Variants in PCSK5 observed in about 807,000 individuals in gnomAD.
The protein encoded by PCSK5 is proprotein convertase subtilisin/kexin type 5.
A neutral mutation model predicts 233.2 loss-of-function variants in PCSK5; 129 were observed. That is an observed-to-expected ratio of 0.55 (90% confidence interval 0.48 to 0.64). The LOEUF (loss-of-function observed/expected upper bound fraction) is 0.64. Among genes scored for constraint, PCSK5 ranks in the 30% least tolerant of loss-of-function variants. The pLI is 0.00. For missense variants in PCSK5, 2,076 were observed against 2,430.1 expected, an observed-to-expected ratio of 0.85 and a Z score of 3.06; for synonymous variants, 825 against 879.2, an observed-to-expected ratio of 0.94 and a Z score of 1.09.
intron 37 of PCSK5, 115 bp from the exon 38 acceptor site, chr9:76,358,398 C>T: frequency 3.9e-6 from 3 of 760,202 alleles, no homozygotes; most frequent in Non-Finnish European, 4.2e-6. Context: ...GTGATTCTAC[C>T]ATTTTCAATT....
chr9:75,971,116 G>A (rs899570106), intron 2 of PCSK5, among the ~76,000 whole-genome samples: 1 of 149,828 alleles, frequency 6.7e-6, no homozygotes, highest in South Asian at 2.1e-4. Flanking sequence ...GCCCCAGTGT[G>A]TGTTGTTCCC....
chr9:76,115,281 T>C (rs1471686716), intron 9 of PCSK5, among the ~76,000 whole-genome samples: 1 of 152,124 alleles, frequency 6.6e-6, no homozygotes, highest in Non-Finnish European at 1.5e-5. Context: ...CCCCATCAGC[T>C]AATTAATCTG....
At chr9:76,296,926 C>A in intron 27 of PCSK5, 61 bp downstream of exon 27, 1 of 1,084,044 alleles carries the variant, frequency 9.2e-7, no homozygotes, top group Non-Finnish European at 1.4e-6. Context: ...TTCCCTCCTT[C>A]TATAACTCTG....
At chr9:76,240,958 G>A (rs1826411544) in intron 24 of PCSK5, among the ~76,000 whole-genome samples, 1 of 152,160 alleles carries the variant, frequency 6.6e-6, no homozygotes, top group African/African-American at 2.4e-5. Flanking sequence ...ATGAGTTGTT[G>A]GGGCTTACTG....
rs771766791 is a variant in PCSK5, at chr9:76,338,289, G to A, written c.4808G>A (p.Cys1603Tyr). The change falls in exon 35 of 38, where the codon TGC becomes TAC. Residue 1603 changes from cysteine to tyrosine, a missense_variant. This residue lies in a region of PCSK5 where 1,510 missense variants were observed against 1,538.1 expected (regional missense o/e 0.98). Transcript: ENST00000674117. ...CERCNRSCKG[C>Y]QGPRPTDCLS... ...AGGTGCAACAGGAGCTGCAAGGGGT[G>A]CCAGGGCCCACGGCCCACAGACTGC... The A allele has an allele frequency of 6.2e-7, 1 of 1,612,618 alleles. No homozygotes were observed. Among genetic ancestry groups the A allele is most frequent in the Non-Finnish European group, 8.5e-7 (1 of 1,179,714 alleles).
intron 17 of PCSK5, among the ~76,000 whole-genome samples, chr9:76,186,012 T>C (rs1052140929): frequency 2.0e-5 from 3 of 152,146 alleles, no homozygotes; most frequent in Middle Eastern, 3.2e-3. Context: ...GGTAGAAACA[T>C]GAGAGCCATA....
intron 34 of PCSK5, among the ~76,000 whole-genome samples, chr9:76,337,991 A>G (rs1172538863): frequency 6.6e-6 from 1 of 152,180 alleles, no homozygotes; most frequent in Non-Finnish European, 1.5e-5. Context: ...GTCTTTTCAT[A>G]TGTGTTAGTT....
intron 2 of PCSK5, among the ~76,000 whole-genome samples, chr9:75,978,930 T>C (rs2066186): frequency 0.64 from 93,754 of 146,152 alleles, 30,310 homozygotes; most frequent in East Asian, 0.7. Context: ...TGGAGTGCAA[T>C]GGCACAATCT....
chr9:76,057,088 A>G (rs1829848467), intron 5 of PCSK5, among the ~76,000 whole-genome samples: 2 of 152,152 alleles, frequency 1.3e-5, no homozygotes, highest in African/African-American at 2.4e-5. Flanking sequence ...CTGGAGTAAA[A>G]TCTACTAAAG....
chr9:76,339,625 AC>A (rs1829774730), intron 35 of PCSK5, among the ~76,000 whole-genome samples: 1 of 152,026 alleles, frequency 6.6e-6, no homozygotes, highest in African/African-American at 2.4e-5. Context: ...GCTCACTGCA[AC>A]CTCCGCCTCC....
intron 1 of PCSK5, among the ~76,000 whole-genome samples, chr9:75,891,785 C>T (rs1223582419): frequency 6.6e-6 from 1 of 151,864 alleles, no homozygotes; most frequent in East Asian, 1.9e-4. Context: ...AGGGGGTGAG[C>T]GCGCCTCTGA....
chr9:75,928,856 G>T (rs1041017660), intron 1 of PCSK5, among the ~76,000 whole-genome samples: 2 of 151,682 alleles, frequency 1.3e-5, no homozygotes, highest in Admixed American at 6.6e-5. Flanking sequence ...ATAATTCTTT[G>T]ATACTCATAC....
At chr9:76,355,232 C>T (rs891835105) in intron 37 of PCSK5, among the ~76,000 whole-genome samples, 13 of 152,032 alleles carry the variant, frequency 8.6e-5, no homozygotes, top group Non-Finnish European at 1.8e-4. Context: ...CAGCACTTTG[C>T]GGAGCCAAGG....
intron 5 of PCSK5, among the ~76,000 whole-genome samples, chr9:76,055,661 G>A (rs114804809): frequency 0.011 from 1,709 of 152,268 alleles, 36 homozygotes; most frequent in African/African-American, 0.04. Flanking sequence ...TAGGCAAAAA[G>A]TAGGGTTGCA....
At chr9:76,206,960 C>T (rs55887003) in intron 20 of PCSK5, among the ~76,000 whole-genome samples, 9,447 of 152,078 alleles carry the variant, frequency 0.062, 571 homozygotes, top group African/African-American at 0.15. Context: ...GGGGAGAATC[C>T]ATTTTCTTGT....
rs1587538222 is a variant in PCSK5 at position 76,040,974 on chromosome 9, C to T, written c.632+13937C>T. ...AGTGCAGTTAAAACAAACCACTAGG[C>T]AGGATGTGATTTGGAGACCATCAGT... On this transcript the variant is annotated intron_variant, in intron 5 of 37. Transcript: ENST00000674117. Among the ~76,000 whole-genome samples the T allele has an allele frequency of 3.9e-5, 6 of 152,106 alleles. 1 individual carries two copies. In the South Asian group the frequency reaches 1.2e-3, roughly 31 times the overall value.
intron 33 of PCSK5, among the ~76,000 whole-genome samples, chr9:76,329,750 T>C (rs551771162): frequency 6.6e-6 from 1 of 152,068 alleles, no homozygotes; most frequent in South Asian, 2.1e-4. Context: ...GGGGAATCGC[T>C]TGAACCCGGG....
At chr9:76,256,999 G>A (rs1296553606) in intron 24 of PCSK5, among the ~76,000 whole-genome samples, 1 of 152,230 alleles carries the variant, frequency 6.6e-6, no homozygotes, top group Non-Finnish European at 1.5e-5. Flanking sequence ...CTTCAAGAGA[G>A]AGGAACCAAG....
chr9:76,252,760 A>G (rs1044937563), intron 24 of PCSK5, among the ~76,000 whole-genome samples: 7 of 152,194 alleles, frequency 4.6e-5, no homozygotes, highest in Non-Finnish European at 1.0e-4. Context: ...GGACTTAGAG[A>G]ACCAACCTCA....
Sources: allele counts gnomAD v4.1 joint callset (sites outside exome capture counted in the v4.1 genomes callset), GRCh38; gene constraint gnomAD v4.1.1; regional missense constraint gnomAD v4.1.1; transcripts MANE v1.5; gene names NCBI Gene and HGNC (gene_info 2026-07-23, HGNC 2026-07-21).